FAT1: variants seen among roughly 807,000 people sequenced by gnomAD.
The protein encoded by FAT1 is FAT atypical cadherin 1, also known as protocadherin Fat 1.
In FAT1, 171 loss-of-function variants were observed where a neutral mutation model predicts 329.8. The ratio of observed to expected loss-of-function variants is 0.52; its 90% confidence interval spans 0.46 to 0.59. The LOEUF is 0.59. Ranked by LOEUF, FAT1 falls within the 20% of genes least tolerant of loss-of-function variation. The pLI, the probability that FAT1 is intolerant of heterozygous loss-of-function variation, is 0.00. For missense variants in FAT1, 5,672 were observed against 5,774.4 expected (o/e 0.98, Z 0.57); for synonymous variants, 2,233 against 2,228.6 (o/e 1.00, Z -0.06).
In FAT1 at chr4:186,600,376, T is replaced by A; in HGVS notation, c.11641-16A>T. ...CATGATGAATCTAGGATAAAAGCAATGACTGTTCACATTACTCTCATAGAA... is the reference window on the plus strand; with the variant it reads ...CATGATGAATCTAGGATAAAAGCAAAGACTGTTCACATTACTCTCATAGAA... On this transcript the variant is annotated splice_polypyrimidine_tract_variant and intron_variant, in intron 21 of 26. Transcript: ENST00000441802. The A allele has an allele frequency of 6.3e-7, 1 of 1,592,320 alleles. No homozygotes were observed. The highest frequency in any genetic ancestry group is 8.6e-7 in the Non-Finnish European group (1 of 1,167,012).
rs2126498635 is a variant in FAT1 at position 186,618,760 on chromosome 4, G to A, written c.7826C>T (p.Ala2609Val). ...TTTAACGACTGAAGTCCCTTTAGCA[G>A]CACTGGACCCGATATTCACTTCGTA... ...TKYEVNIGSS[A>V]AKGTSVVKVL... is the part of the protein sequence containing the mutation. The change falls in exon 10 of 27, where the codon GCT (alanine) becomes GTT (valine). Residue 2609 changes from alanine to valine, a missense_variant. Physicochemically the swap from Ala to Val is moderately conservative, Grantham distance 64. Transcript: ENST00000441802. The A allele has an allele frequency of 6.2e-7, 1 of 1,614,044 alleles. No homozygotes were observed. The highest frequency in any genetic ancestry group is 8.5e-7 in the Non-Finnish European group (1 of 1,179,898).
chr4:186,698,801 C>T (rs1247737789), intron 2 of FAT1, among the ~76,000 whole-genome samples: 3 of 152,176 alleles, frequency 2.0e-5, no homozygotes, highest in Admixed American at 6.5e-5. Context: ...GACAGTGAAA[C>T]GGGTTAAGGA....
At chr4:186,607,698 G>GA (rs1408036899) in intron 16 of FAT1, among the ~76,000 whole-genome samples, 4 of 151,608 alleles carry the variant, frequency 2.6e-5, no homozygotes, top group Non-Finnish European at 5.9e-5. Flanking sequence ...TGGGTGGATG[G>GA]ATGGGTAGGT....
intron 3 of FAT1, among the ~76,000 whole-genome samples, chr4:186,650,824 A>G (rs1477746171): frequency 6.6e-6 from 1 of 152,144 alleles, no homozygotes; most frequent in Non-Finnish European, 1.5e-5. Context: ...GGGCTCCTAA[A>G]AATTGTTTTA....
chr4:186,598,134 G>T lies in FAT1; in HGVS notation c.12104-9C>A, dbSNP rs139477231. The T allele has an allele frequency of 3.4e-4, 538 of 1,583,592 alleles. No homozygotes were observed. The African/African-American group carries it at 6.8e-3, about 20-fold the overall frequency. On this transcript the variant is annotated splice_polypyrimidine_tract_variant and intron_variant, in intron 22 of 26. Transcript: ENST00000441802. ...GCATTTGCAGTAATAACCTAAATCG[G>T]CAAAAAGGAACAAAAAAGTCCTATC...
chr4:186,671,963 G>A (rs1742752071), intron 2 of FAT1, among the ~76,000 whole-genome samples: 1 of 152,028 alleles, frequency 6.6e-6, no homozygotes, highest in African/African-American at 2.4e-5. Flanking sequence ...ATTCTAAAAT[G>A]GCTATTCAGT....
chr4:186,619,458 G>A lies in FAT1; in HGVS notation c.7128C>T (p.Val2376=), dbSNP rs1472706623. 4 of 1,614,002 alleles carry A rather than the reference G, an allele frequency of 2.5e-6. No homozygotes were observed. Among genetic ancestry groups the A allele is most frequent in the Non-Finnish European group, 3.4e-6 (4 of 1,179,898 alleles). ...CATTGAGGTCGGTAACGTCCACCGTGACAATCACATCACTGCTCAGCGTGG... is the reference window on the plus strand; with the variant it reads ...CATTGAGGTCGGTAACGTCCACCGTAACAATCACATCACTGCTCAGCGTGG... ...GMPTLSSDVI[V]TVDVTDLNDN... Residue 2376 remains valine (V), a synonymous_variant, in exon 10 of 27, where the codon GTC becomes GTT. Coordinates refer to ENST00000441802, the MANE Select transcript of FAT1 (RefSeq NM_005245.4).
intron 3 of FAT1, among the ~76,000 whole-genome samples, chr4:186,647,689 C>G (rs1196380860): frequency 6.6e-6 from 1 of 152,134 alleles, no homozygotes; most frequent in Admixed American, 6.6e-5. Flanking sequence ...AGATACATAC[C>G]ATTTTCACCC....
chr4:186,597,874 C>T, intron 23 of FAT1, 82 bp from the exon 24 acceptor site: 4 of 1,559,484 alleles, frequency 2.6e-6, no homozygotes, highest in Non-Finnish European at 2.6e-6. Context: ...AAACAGAACA[C>T]ATTAGCAAAT....
At chr4:186,721,579 C>T (rs1293216995) in intron 1 of FAT1, among the ~76,000 whole-genome samples, 1 of 152,234 alleles carries the variant, frequency 6.6e-6, no homozygotes, top group Admixed American at 6.5e-5. Context: ...CTTTAGGCTA[C>T]AAATTATGCC....
chr4:186,692,336 G>A (rs865938166), intron 2 of FAT1, among the ~76,000 whole-genome samples: 7 of 150,138 alleles, frequency 4.7e-5, no homozygotes, highest in African/African-American at 7.4e-5. Flanking sequence ...TTTTTGAGAC[G>A]GAGTCTCGCT....
intron 1 of FAT1, among the ~76,000 whole-genome samples, chr4:186,714,401 G>A (rs774567727): frequency 2.6e-5 from 4 of 152,172 alleles, no homozygotes; most frequent in Non-Finnish European, 5.9e-5. Flanking sequence ...TCAGGGAGCA[G>A]ATCGGGAGGT....
rs557986260 is a variant in FAT1, at chr4:186,690,049, C to T, written c.3265+16514G>A. Among the ~76,000 whole-genome samples the T allele has an allele frequency of 3.3e-5, 5 of 152,240 alleles. No individual in the cohort carries two copies. The South Asian group carries it at 8.3e-4, about 25-fold the overall frequency. On this transcript the variant is annotated intron_variant, in intron 2 of 26. Transcript: ENST00000441802. ...CTATTCAATTACATTTTCCCTATCC[C>T]TATAGGATAGCTACAAATAAACAAA...
At chr4:186,679,416 C>CA (rs1169141587) in intron 2 of FAT1, among the ~76,000 whole-genome samples, 4,892 of 49,780 alleles carry the variant, frequency 0.098, 478 homozygotes, top group Middle Eastern at 0.15. Flanking sequence ...GACTCTGTCT[C>CA]AAAAAAAAAA....
Position 186,619,585 on chromosome 4 carries a change from T to G in FAT1, c.7001A>C (p.His2334Pro), listed in dbSNP as rs756957772. ...GATGAGGCCAGTGCTGCTGTCTACA[T>G]GAAAATGATCATGACTCTTGCTGTG... ...GNHSKSHDHF[H>P]VDSSTGLISL... Residue 2334 changes from histidine to proline, a missense_variant, in exon 10 of 27, where the codon CAT becomes CCT. Physicochemically the swap from His to Pro is moderately conservative, Grantham distance 77. Coordinates refer to ENST00000441802, the MANE Select transcript of FAT1 (RefSeq NM_005245.4). 1.2e-6 allele frequency: 2 copies of G among 1,613,950 alleles called. No homozygotes were observed. The highest frequency in any genetic ancestry group is 1.7e-5 in the Admixed American group (1 of 60,034).
At chr4:186,613,583 G>C (rs1204529723) in intron 12 of FAT1, among the ~76,000 whole-genome samples, 3 of 152,154 alleles carry the variant, frequency 2.0e-5, no homozygotes, top group Non-Finnish European at 4.4e-5. Flanking sequence ...CTCTCACCTT[G>C]TGTATAAGAT....
intron 3 of FAT1, among the ~76,000 whole-genome samples, chr4:186,655,158 C>G (rs1741845537): frequency 6.6e-6 from 1 of 152,104 alleles, no homozygotes. Context: ...TTTTAAGATG[C>G]AAATATAGAC....
chr4:186,660,526 T>C (rs528201651), intron 3 of FAT1, among the ~76,000 whole-genome samples: 40 of 152,310 alleles, frequency 2.6e-4, no homozygotes, highest in Middle Eastern at 3.4e-3. Flanking sequence ...CCTCCACTAT[T>C]ACCTGACTTC....
intron 3 of FAT1, among the ~76,000 whole-genome samples, chr4:186,660,543 TAAGGA>T (rs1043593765): frequency 2.6e-5 from 4 of 152,180 alleles, no homozygotes; most frequent in African/African-American, 7.2e-5. Flanking sequence ...CTTCAACTCA[TAAGGA>T]AAGAAAGCCT....
Sources: allele counts gnomAD v4.1 joint callset (sites outside exome capture counted in the v4.1 genomes callset), GRCh38; gene constraint gnomAD v4.1.1; transcripts MANE v1.5; gene names NCBI Gene and HGNC (gene_info 2026-07-23, HGNC 2026-07-21).